PACSIN2: variants seen among roughly 807,000 people sequenced by gnomAD.
PACSIN2 encodes the protein protein kinase C and casein kinase substrate in neurons protein 2.
PACSIN2 carries 25 observed loss-of-function variants against 63.8 expected under a neutral mutation model. The observed-to-expected ratio is 0.39, with a 90% CI of 0.29 to 0.55. The LOEUF is 0.55. Among genes scored for constraint, PACSIN2 ranks in the 20% least tolerant of loss-of-function variants. PACSIN2 has a pLI of 0.62. For synonymous variants in PACSIN2, 255 were observed against 256.2 expected (o/e 1.00, Z 0.05); for missense variants, 518 against 646.9 (o/e 0.80, Z 2.16).
rs962557662 is a variant in PACSIN2 at position 42,874,053 on chromosome 22, G to A, written c.1348+2084C>T. On this transcript the variant is annotated intron_variant, in intron 10 of 10. Transcript: ENST00000263246. ...GATCCTTCGGCCTTGGCCTCGCAAAGTGCTGGGATTACAGGTGTGAGCCAT... is the reference window on the plus strand; with the variant it reads ...GATCCTTCGGCCTTGGCCTCGCAAAATGCTGGGATTACAGGTGTGAGCCAT... Among the ~76,000 whole-genome samples, 34 of 152,100 alleles carry A rather than the reference G, an allele frequency of 2.2e-4. 1 individual carries two copies. The highest frequency in any genetic ancestry group is 1.2e-4 in the Non-Finnish European group (8 of 68,024).
rs370426951 is a variant in PACSIN2, at chr22:42,887,023, C to A, written c.609+1620G>T. On this transcript the variant is annotated intron_variant, in intron 5 of 10. Transcript: ENST00000263246. ...AGAAGCCCCATCTTTCCTCTAGGCA[C>A]CTTTTTGGGCACCTGATTCCCTGGG... is the stretch of plus-strand genomic sequence containing the variant. Among the ~76,000 whole-genome samples the A allele has an allele frequency of 4.3e-4, 66 of 152,348 alleles. 2 individuals carry two copies. The South Asian group carries it at 0.013, about 31-fold the overall frequency.
In PACSIN2 at chr22:42,890,785, A is replaced by T. The variant is rs971968060; in HGVS notation, c.453+162T>A. On this transcript the variant is annotated intron_variant, in intron 4 of 10. Transcript: ENST00000263246. ...GCATCTTCAACCTGGGTAAATGTCAACTACCATGGGCTTCTAGCCTGAGGA... is the reference window on the plus strand; with the variant it reads ...GCATCTTCAACCTGGGTAAATGTCATCTACCATGGGCTTCTAGCCTGAGGA... 9 of 608,734 alleles carry T rather than the reference A, an allele frequency of 1.5e-5. No homozygotes were observed. In the Admixed American group the frequency reaches 2.0e-4, roughly 14 times the overall value. The allele number at this position is 608,734 out of a possible 1,614,324, so 37.7% of individuals were successfully genotyped here.
chr22:42,906,407 A>G (rs1931077006), intron 2 of PACSIN2, among the ~76,000 whole-genome samples: 1 of 152,250 alleles, frequency 6.6e-6, no homozygotes, highest in African/African-American at 2.4e-5. Context: ...TGTGTATTCT[A>G]AACTGTGAAA....
At chr22:42,921,311 A>C (rs1407084645) in intron 1 of PACSIN2, among the ~76,000 whole-genome samples, 1 of 150,310 alleles carries the variant, frequency 6.7e-6, no homozygotes, top group African/African-American at 2.4e-5. Flanking sequence ...GTGAGCCGAG[A>C]TTGTGTCACT....
chr22:42,883,583 A>C (rs542567686), intron 6 of PACSIN2, among the ~76,000 whole-genome samples: 1 of 152,354 alleles, frequency 6.6e-6, no homozygotes, highest in South Asian at 2.1e-4. Context: ...ACCAAGTCTC[A>C]GAGGGTATGT....
chr22:42,888,947 C>A, intron 4 of PACSIN2, 149 bp from the exon 5 acceptor site: 2 of 745,066 alleles, frequency 2.7e-6, no homozygotes, highest in Non-Finnish European at 2.3e-6. Context: ...AGCAACCAGT[C>A]ACAACAGGAA....
Position 42,879,162 on chromosome 22 carries a change from G to A in PACSIN2, c.914C>T (p.Ser305Phe), listed in dbSNP as rs777260704. Residue 305 changes from serine to phenylalanine, a missense_variant, in exon 8 of 11, where the codon TCC becomes TTC. Physicochemically the swap from Ser to Phe is radical, Grantham distance 155. This residue lies in a region of PACSIN2 where 507 missense variants were observed against 612.3 expected (regional missense o/e 0.83). Coordinates refer to ENST00000263246, the MANE Select transcript of PACSIN2 (RefSeq NM_001184970.3). ...GCTGAGGGTTCGATTCAGGTCTGCG[G>A]ACCACTCCTAGGCAACAGGTGCCGA... is the stretch of plus-strand genomic sequence containing the variant. Reference protein sequence around the residue: ...AMNWPQFEEWSADLNRTLSRR... With the variant: ...AMNWPQFEEWFADLNRTLSRR... 14 of 1,613,794 alleles carry A rather than the reference G, an allele frequency of 8.7e-6. No individual in the cohort carries two copies. Among genetic ancestry groups the A allele is most frequent in the Non-Finnish European group, 1.2e-5 (14 of 1,179,854 alleles).
intron 1 of PACSIN2, among the ~76,000 whole-genome samples, chr22:42,924,686 G>A (rs1167718057): frequency 4.0e-5 from 6 of 151,834 alleles, no homozygotes; most frequent in Admixed American, 6.6e-5. Flanking sequence ...GAATGTGCTC[G>A]TCTCCTCCCT....
At chr22:42,919,939 A>T (rs1020806362) in intron 1 of PACSIN2, among the ~76,000 whole-genome samples, 31 of 132,274 alleles carry the variant, frequency 2.3e-4, no homozygotes, top group African/African-American at 8.0e-4. Context: ...CACCATCTCT[A>T]AAAAAAAAAA....
intron 1 of PACSIN2, among the ~76,000 whole-genome samples, chr22:42,997,903 C>T (rs1368434521): frequency 6.6e-6 from 1 of 152,158 alleles, no homozygotes; most frequent in Non-Finnish European, 1.5e-5. Flanking sequence ...AACAAAAATA[C>T]AAGTGAAGAA....
At chr22:42,999,521 T>C (rs138312143) in intron 1 of PACSIN2, among the ~76,000 whole-genome samples, 3 of 152,172 alleles carry the variant, frequency 2.0e-5, no homozygotes, top group South Asian at 2.1e-4. Flanking sequence ...AACACAAAAT[T>C]AGCCCAGCGT....
At chr22:42,992,504 T>G (rs1046544973) in intron 1 of PACSIN2, among the ~76,000 whole-genome samples, 4 of 152,120 alleles carry the variant, frequency 2.6e-5, no homozygotes, top group Admixed American at 2.6e-4. Flanking sequence ...TCCCAACACT[T>G]TAGAAGACTG....
Position 42,949,710 on chromosome 22 carries a change from TCA to T in PACSIN2, c.-77-37555_-77-37554del, listed in dbSNP as rs377325676. Among the ~76,000 whole-genome samples, 9 of 134,856 alleles carry T rather than the reference TCA, an allele frequency of 6.7e-5. 1 individual carries two copies. The South Asian group carries it at 1.1e-3, about 16-fold the overall frequency. 88.5% of individuals were successfully genotyped at this position (134,856 alleles called of 152,430 possible). A position where few individuals can be genotyped will look rare whatever the true frequency, so the allele number is the denominator to read the frequency against. ...CACACACACACTCACACACACTCTC[TCA>T]CACACACACACACAGGCAGAAAGAA... On this transcript the variant is annotated intron_variant, in intron 1 of 10. Transcript: ENST00000263246.
intron 2 of PACSIN2, among the ~76,000 whole-genome samples, chr22:42,903,194 T>C (rs989887255): frequency 9.8e-5 from 15 of 152,318 alleles, no homozygotes; most frequent in African/African-American, 3.1e-4. Context: ...GCTCCAGGAC[T>C]GAGTCCCTTC....
intron 1 of PACSIN2, among the ~76,000 whole-genome samples, chr22:42,966,090 G>A (rs2146858379): frequency 6.6e-6 from 1 of 152,242 alleles, no homozygotes; most frequent in South Asian, 2.1e-4. Context: ...AGCCATCTTG[G>A]GCTGGGCGCG....
chr22:42,970,887 C>G (rs1921207025), intron 1 of PACSIN2, among the ~76,000 whole-genome samples: 1 of 152,120 alleles, frequency 6.6e-6, no homozygotes, highest in South Asian at 2.1e-4. Context: ...CAGCGCCTCC[C>G]CACGCCACCC....
intron 1 of PACSIN2, among the ~76,000 whole-genome samples, chr22:42,957,567 T>C (rs1601578232): frequency 6.6e-6 from 1 of 152,358 alleles, no homozygotes; most frequent in East Asian, 1.9e-4. Flanking sequence ...AGACCATTTT[T>C]AATGATTCTG....
At chr22:42,993,154 C>T (rs893878934) in intron 1 of PACSIN2, among the ~76,000 whole-genome samples, 4 of 149,514 alleles carry the variant, frequency 2.7e-5, no homozygotes, top group South Asian at 4.2e-4. Flanking sequence ...AGCCTAGCAA[C>T]AGAACAAGAC....
chr22:43,011,685 T>C (rs960466599), intron 1 of PACSIN2, among the ~76,000 whole-genome samples: 4 of 152,190 alleles, frequency 2.6e-5, no homozygotes, highest in Admixed American at 6.5e-5. Flanking sequence ...CAGATCAGCC[T>C]GGCCAACACT....
Sources: allele counts gnomAD v4.1 joint callset (sites outside exome capture counted in the v4.1 genomes callset), GRCh38; gene constraint gnomAD v4.1.1; regional missense constraint gnomAD v4.1.1; transcripts MANE v1.5; gene names NCBI Gene and HGNC (gene_info 2026-07-23, HGNC 2026-07-21).